Variants in NALCN observed in about 807,000 individuals in gnomAD.
NALCN encodes the protein sodium leak channel NALCN.
Under a neutral mutation model 225.3 loss-of-function variants are expected in NALCN, and 111 were observed. That is an observed-to-expected ratio of 0.49 (90% CI 0.42 to 0.58). The LOEUF (loss-of-function observed/expected upper bound fraction) is 0.58. NALCN is among the 20% of genes least tolerant of loss of function. NALCN has a pLI of 0.00. For synonymous variants in NALCN, 764 were observed against 769.0 expected, an observed-to-expected ratio of 0.99 and a Z score of 0.11; for missense variants, 1,378 against 2,202.4, an observed-to-expected ratio of 0.63 and a Z score of 7.49.
intron 13 of NALCN, among the ~76,000 whole-genome samples, chr13:101,220,231 C>G (rs2040885044): frequency 6.6e-6 from 1 of 152,166 alleles, no homozygotes; most frequent in Admixed American, 6.6e-5. Context: ...AAAATTTGTT[C>G]TGGTCATGTC....
rs1162823957 is a variant in NALCN, at chr13:101,104,627, T to C, written c.2660A>G (p.Tyr887Cys). 7.4e-6 allele frequency: 12 copies of C among 1,613,870 alleles called. No homozygotes were observed. The highest frequency in any genetic ancestry group is 1.0e-5 in the Non-Finnish European group (12 of 1,179,882). Residue 887 changes from tyrosine (Y) to cysteine (C), a missense_variant, in exon 24 of 44, where the codon TAC (tyrosine) becomes TGC (cysteine). This residue lies in a region of NALCN where 292 missense variants were observed against 409.5 expected (regional missense o/e 0.71). Transcript: ENST00000251127. The surrounding 1 kb of genome is among the most constrained non-coding windows in gnomAD (Gnocchi z 4.2). ...QLYDLLGLVTYLDWVMIIVTI... is the reference protein window; with the variant it reads ...QLYDLLGLVTCLDWVMIIVTI... ...TACGATGATCATGACCCAGTCCAGG[T>C]AAGTGACCAATCCCAGCAAATCACT... is the stretch of plus-strand genomic sequence containing the variant.
chr13:101,376,442 G>C (rs1330336661), intron 6 of NALCN, among the ~76,000 whole-genome samples: 1 of 151,934 alleles, frequency 6.6e-6, no homozygotes, highest in African/African-American at 2.4e-5. Flanking sequence ...GCTTGAACCC[G>C]GGATGCGGAG....
At chr13:101,092,721 C>T (rs2034300808) in intron 28 of NALCN, among the ~76,000 whole-genome samples, 1 of 152,024 alleles carries the variant, frequency 6.6e-6, no homozygotes, top group Admixed American at 6.6e-5. Context: ...GGGGTAGGAC[C>T]CCTCTTTTGT....
intron 11 of NALCN, among the ~76,000 whole-genome samples, chr13:101,255,727 A>G (rs1271722502): frequency 6.6e-6 from 1 of 152,134 alleles, no homozygotes; most frequent in Non-Finnish European, 1.5e-5. Flanking sequence ...TGTCCTCTAC[A>G]TTATCAATCT....
At chr13:101,227,760 G>C (rs182224179) in intron 13 of NALCN, among the ~76,000 whole-genome samples, 1 of 152,212 alleles carries the variant, frequency 6.6e-6, no homozygotes, top group Admixed American at 6.5e-5. Context: ...TAGGAGTTTG[G>C]CATGACAGAT....
intron 7 of NALCN, among the ~76,000 whole-genome samples, chr13:101,307,118 AT>A (rs1019232916): frequency 2.6e-5 from 4 of 152,026 alleles, no homozygotes; most frequent in African/African-American, 9.7e-5. Context: ...TCTCAGCTTC[AT>A]TTTCCTGCTA....
At chr13:101,297,085 A>G (rs2043783631) in intron 7 of NALCN, among the ~76,000 whole-genome samples, 1 of 152,142 alleles carries the variant, frequency 6.6e-6, no homozygotes, top group African/African-American at 2.4e-5. Context: ...AAAAGAGGTG[A>G]GATATTTGTG....
At chr13:101,123,904 T>C (rs905851617) in intron 18 of NALCN, among the ~76,000 whole-genome samples, 9 of 152,212 alleles carry the variant, frequency 5.9e-5, no homozygotes. Flanking sequence ...GCAGGGGGCT[T>C]CCTGGCATGA....
At chr13:101,318,616 G>C (rs1205268095) in intron 7 of NALCN, among the ~76,000 whole-genome samples, 8 of 152,190 alleles carry the variant, frequency 5.3e-5, no homozygotes, top group Admixed American at 4.6e-4. Flanking sequence ...TTAATTCCCA[G>C]ATATGTGTAC....
At chr13:101,279,876 T>TAAA (rs1555328555) in intron 10 of NALCN, among the ~76,000 whole-genome samples, 5 of 148,934 alleles carry the variant, frequency 3.4e-5, no homozygotes, top group Admixed American at 2.7e-4. Context: ...AATAAATAAA[T>TAAA]AAAAAGAAGT....
intron 27 of NALCN, among the ~76,000 whole-genome samples, chr13:101,097,427 C>T (rs573688812): frequency 6.4e-4 from 97 of 152,160 alleles, no homozygotes; most frequent in African/African-American, 2.3e-3. Flanking sequence ...TATAAAGGTC[C>T]CTTGACATAT....
At chr13:101,412,558 G>A (rs1348405657) in intron 1 of NALCN, among the ~76,000 whole-genome samples, 2 of 152,168 alleles carry the variant, frequency 1.3e-5, no homozygotes, top group Non-Finnish European at 2.9e-5. Flanking sequence ...AAGCAATTCT[G>A]TTTTACAAAA....
intron 14 of NALCN, among the ~76,000 whole-genome samples, chr13:101,181,662 A>G (rs982200480): frequency 3.2e-4 from 49 of 151,828 alleles, no homozygotes; most frequent in Non-Finnish European, 5.7e-4. Context: ...GGATTTCTTG[A>G]GCCTGGGAGG....
At chr13:101,148,418 C>T (rs183049239) in intron 15 of NALCN, among the ~76,000 whole-genome samples, 1 of 152,294 alleles carries the variant, frequency 6.6e-6, no homozygotes, top group East Asian at 1.9e-4. Flanking sequence ...TCTCCTTTTC[C>T]TTATAGATGC....
chr13:101,286,400 CCTT>C lies in NALCN; in HGVS notation c.1048-2384_1048-2382del, dbSNP rs372345780. Among the ~76,000 whole-genome samples, 224 of 152,238 alleles carry C rather than the reference CCTT, an allele frequency of 1.5e-3. No homozygotes were observed. The Middle Eastern group carries it at 0.017, about 12-fold the overall frequency. On this transcript the variant is annotated intron_variant, in intron 9 of 43. Transcript: ENST00000251127. ...GCAGAAACCCTCTTTTCCTGTATTT[CCTT>C]CTTCTTCCTGCTCTCTGGGATATGG...
At chr13:101,284,840 A>G (rs578076787) in intron 9 of NALCN, among the ~76,000 whole-genome samples, 1 of 152,178 alleles carries the variant, frequency 6.6e-6, no homozygotes, top group Non-Finnish European at 1.5e-5. Flanking sequence ...CCTATGTGTC[A>G]ATATTACACC....
At chr13:101,219,303 T>C (rs1462712100) in intron 13 of NALCN, among the ~76,000 whole-genome samples, 1 of 152,130 alleles carries the variant, frequency 6.6e-6, no homozygotes, top group South Asian at 2.1e-4. Flanking sequence ...ACGCTTCTGA[T>C]TGGATAGGGT....
chr13:101,181,018 C>A (rs2039191475), intron 14 of NALCN: 1 of 498,594 alleles, frequency 2.0e-6, no homozygotes, highest in African/African-American at 1.9e-5. Context: ...ACATTTAGTT[C>A]TGTACCATTT....
At chr13:101,185,629 G>A (rs977690383) in intron 14 of NALCN, among the ~76,000 whole-genome samples, 18 of 152,212 alleles carry the variant, frequency 1.2e-4, no homozygotes, top group Admixed American at 9.8e-4. Flanking sequence ...GTTTGAAAGG[G>A]ACAATACATG....
Sources: allele counts gnomAD v4.1 joint callset (sites outside exome capture counted in the v4.1 genomes callset), GRCh38; gene constraint gnomAD v4.1.1; regional missense constraint gnomAD v4.1.1; non-coding constraint Gnocchi (gnomAD v3.1); transcripts MANE v1.5; gene names NCBI Gene and HGNC (gene_info 2026-07-23, HGNC 2026-07-21).